ADD2: variants seen among roughly 807,000 people sequenced by gnomAD.
ADD2 encodes beta-adducin.
Under a neutral mutation model 83.0 loss-of-function variants are expected in ADD2, and 23 were observed. The observed-to-expected ratio is 0.28, with a 90% CI of 0.20 to 0.39. The LOEUF (loss-of-function observed/expected upper bound fraction) is 0.39, where lower values mean the gene tolerates loss of function less well. Ranked by LOEUF, ADD2 falls within the 10% of genes least tolerant of loss-of-function variation. ADD2 has a pLI of 1.00. For synonymous variants in ADD2, 375 were observed against 375.4 expected, an observed-to-expected ratio of 1.00 and a Z score of 0.01; for missense variants, 758 against 944.9, an observed-to-expected ratio of 0.80 and a Z score of 2.59.
chr2:70,699,190 C>G (rs564855168), intron 4 of ADD2, among the ~76,000 whole-genome samples: 10 of 152,118 alleles, frequency 6.6e-5, no homozygotes, highest in Middle Eastern at 3.4e-3. Flanking sequence ...AACCAGAGAG[C>G]CCGGCTATAG....
At chr2:70,679,061 T>A in intron 10 of ADD2, 100 bp from the exon 11 acceptor site, 1 of 1,388,018 alleles carries the variant, frequency 7.2e-7, no homozygotes, top group East Asian at 2.3e-5. Context: ...CTTAAAGGAC[T>A]CTTCATGTAA....
chr2:70,767,601 C>T (rs1019258045), intron 1 of ADD2: 409 of 1,255,148 alleles, frequency 3.3e-4, no homozygotes, highest in Non-Finnish European at 3.9e-4. Flanking sequence ...AAGAAAGCCC[C>T]ACCTGTCAGG....
chr2:70,695,472 G>A (rs1040630763), intron 6 of ADD2, among the ~76,000 whole-genome samples: 10 of 151,928 alleles, frequency 6.6e-5, no homozygotes, highest in African/African-American at 2.4e-4. Context: ...TGAGTCTGCT[G>A]AGAGGATGCC....
chr2:70,726,280 T>C (rs1472977224), intron 1 of ADD2, among the ~76,000 whole-genome samples: 2 of 151,646 alleles, frequency 1.3e-5, no homozygotes, highest in East Asian at 3.9e-4. Flanking sequence ...GCAGAGGTTG[T>C]AGATCCAGTC....
At position 70,688,621 on chromosome 2, in the gene ADD2, G is replaced by A. The variant is rs557863313; in HGVS notation, c.850-499C>T. ...ACGTGGGAGTCAAAACCCAGGGGGC[G>A]GCTCTCTGAGAGGTGGCCCTACAGA... On this transcript the variant is annotated intron_variant, in intron 8 of 15. Transcript: ENST00000264436. 3.1e-3 allele frequency among the ~76,000 whole-genome samples: 478 copies of A among 152,212 alleles called. 1 individual carries two copies. Among genetic ancestry groups the A allele is most frequent in the Non-Finnish European group, 3.8e-3 (259 of 67,996 alleles).
At chr2:70,711,921 G>A (rs1574275539) in intron 2 of ADD2, among the ~76,000 whole-genome samples, 1 of 152,206 alleles carries the variant, frequency 6.6e-6, no homozygotes, top group Non-Finnish European at 1.5e-5. Context: ...GCTGGTGCCT[G>A]AGGTGGGGAT....
chr2:70,724,949 T>G (rs1672913509), intron 1 of ADD2, among the ~76,000 whole-genome samples: 3 of 152,252 alleles, frequency 2.0e-5, no homozygotes, highest in Admixed American at 2.0e-4. Flanking sequence ...GCCATCTCTC[T>G]CCTCTACTGC....
chr2:70,742,754 T>C (rs1673983369), intron 1 of ADD2, among the ~76,000 whole-genome samples: 1 of 152,234 alleles, frequency 6.6e-6, no homozygotes, highest in Non-Finnish European at 1.5e-5. Context: ...GTGCTCTGTA[T>C]GTATAAATCT....
chr2:70,724,884 AC>A (rs1553377957), intron 1 of ADD2, among the ~76,000 whole-genome samples: 1 of 152,174 alleles, frequency 6.6e-6, no homozygotes. Context: ...TTTTTGATAC[AC>A]CCAAGCCTCT....
At chr2:70,699,944 G>T (rs1481587435) in intron 4 of ADD2, among the ~76,000 whole-genome samples, 5 of 152,110 alleles carry the variant, frequency 3.3e-5, no homozygotes, top group African/African-American at 1.2e-4. Flanking sequence ...CTTATACAAA[G>T]AAGCTATTTA....
At chr2:70,668,222 ATC>A (rs1669738441) in intron 15 of ADD2, among the ~76,000 whole-genome samples, 1 of 152,044 alleles carries the variant, frequency 6.6e-6, no homozygotes, top group African/African-American at 2.4e-5. Flanking sequence ...GTCTCCTCTT[ATC>A]TCTCTATATA....
Position 70,719,380 on chromosome 2 carries a change from G to A in ADD2, c.-153-6196C>T, listed in dbSNP as rs564652765. On this transcript the variant is annotated intron_variant, in intron 1 of 15. Coordinates refer to ENST00000264436, the MANE Select transcript of ADD2 (RefSeq NM_001617.4). ...GCATGGGAGGCGGCTCTAGAGAGACGATTACAATACTGGGGTACAGTGCTC... is the reference window on the plus strand; with the variant it reads ...GCATGGGAGGCGGCTCTAGAGAGACAATTACAATACTGGGGTACAGTGCTC... 7.2e-5 allele frequency among the ~76,000 whole-genome samples: 11 copies of A among 152,308 alleles called. No individual in the cohort carries two copies. The South Asian group carries it at 2.3e-3, about 32-fold the overall frequency.
Position 70,695,755 on chromosome 2 carries a change from C to T in ADD2, c.521G>A (p.Gly174Glu). Residue 174 changes from glycine to glutamate, a missense_variant, in exon 6 of 16, where the codon GGA becomes GAA. By Grantham distance (98) the Gly-to-Glu change is moderately conservative. This residue lies in a region of ADD2 where 394 missense variants were observed against 509.3 expected (regional missense o/e 0.77). Coordinates refer to ENST00000264436, the MANE Select transcript of ADD2 (RefSeq NM_001617.4). ...EQDHFLISPK[G>E]VSCSEVTASS... ...CGCTGTGACTTCACTGCAAGAAACTCCCTTAGGGCTGATCAGGAAGTGGTC... is the reference window on the plus strand; with the variant it reads ...CGCTGTGACTTCACTGCAAGAAACTTCCTTAGGGCTGATCAGGAAGTGGTC... The T allele has an allele frequency of 6.2e-7, 1 of 1,614,182 alleles. No homozygotes were observed. Among genetic ancestry groups the T allele is most frequent in the Non-Finnish European group, 8.5e-7 (1 of 1,180,034 alleles).
rs565396036 is a variant in ADD2, at chr2:70,661,891, G to A, written c.*1534C>T. On this transcript the variant is annotated 3_prime_UTR_variant, in exon 16 of 16. Transcript: ENST00000264436. Reference sequence around the variant, plus strand: ...CCAGGATCCAGATCTTTCTAGCCAAGTCAGCTGGGACAAGTCAATTATCAT... The same window carrying A: ...CCAGGATCCAGATCTTTCTAGCCAAATCAGCTGGGACAAGTCAATTATCAT... 1 of 152,330 alleles carries A rather than the reference G, an allele frequency of 6.6e-6. No individual in the cohort carries two copies. The highest frequency in any genetic ancestry group is 1.9e-4 in the East Asian group (1 of 5,176). The allele number at this position is 152,330 out of a possible 1,614,324, so 9.4% of individuals were successfully genotyped here. A position where few individuals can be genotyped will look rare whatever the true frequency, so the allele number is the denominator to read the frequency against.
In ADD2 at chr2:70,657,395, A is replaced by C. The variant is rs1408549426; in HGVS notation, c.*6030T>G. On this transcript the variant is annotated 3_prime_UTR_variant, in exon 16 of 16. Transcript: ENST00000264436. ...CCAGCCAGGCGATCTCAGGCTCTGG[A>C]CCGTATGTTCTCCCCCACCTGGCCT... The C allele has an allele frequency of 6.6e-6, 1 of 152,144 alleles. No homozygotes were observed. The highest frequency in any genetic ancestry group is 1.5e-5 in the Non-Finnish European group (1 of 68,044). The allele number at this position is 152,144 out of a possible 1,614,324, so 9.4% of individuals were successfully genotyped here. A position where few individuals can be genotyped will look rare whatever the true frequency, so the allele number is the denominator to read the frequency against.
chr2:70,698,616 A>T (rs565562791), intron 4 of ADD2, among the ~76,000 whole-genome samples: 49 of 152,364 alleles, frequency 3.2e-4, no homozygotes, highest in Non-Finnish European at 5.6e-4. Context: ...GGTGATGGTT[A>T]TTCCAATTAT....
At chr2:70,696,096 A>G in intron 5 of ADD2, 149 bp downstream of exon 5, 1 of 1,124,708 alleles carries the variant, frequency 8.9e-7, no homozygotes, top group Non-Finnish European at 1.3e-6. Context: ...ATCAATGACC[A>G]CAGTGGTTAA....
chr2:70,687,081 C>T (rs1330236689), intron 9 of ADD2: 2 of 152,224 alleles, frequency 1.3e-5, no homozygotes, highest in Admixed American at 1.3e-4. Flanking sequence ...TCAGTTGAGT[C>T]CTAAAAATAG....
intron 9 of ADD2, chr2:70,687,371 T>C (rs1670790625): frequency 6.6e-6 from 1 of 152,634 alleles, no homozygotes; most frequent in Non-Finnish European, 1.5e-5. Context: ...TTGTCTGTTT[T>C]CCTACTGCTT....
Sources: allele counts gnomAD v4.1 joint callset (sites outside exome capture counted in the v4.1 genomes callset), GRCh38; gene constraint gnomAD v4.1.1; regional missense constraint gnomAD v4.1.1; transcripts MANE v1.5; gene names NCBI Gene and HGNC (gene_info 2026-07-23, HGNC 2026-07-21).